The following TTC19 variants were observed in gnomAD, a reference collection of about 807,000 sequenced individuals.
TTC19 encodes the protein tetratricopeptide repeat protein 19, mitochondrial.
TTC19 carries 38 observed loss-of-function variants against 49.5 expected under a neutral mutation model. The observed-to-expected ratio is 0.77, with a 90% CI of 0.59 to 1.01. TTC19 has a LOEUF of 1.01. TTC19 is among the 50% of genes least tolerant of loss of function. TTC19 has a pLI of 0.00. For missense variants in TTC19, 475 were observed against 477.7 expected (o/e 0.99, Z 0.05); for synonymous variants, 204 against 185.2 (o/e 1.10, Z -0.83).
chr17:16,030,399 AC>A (rs1161251952), downstream of TTC19: 1 of 213,840 alleles, frequency 4.7e-6, no homozygotes, highest in East Asian at 6.9e-5. Context: ...ATAGCTTAAG[AC>A]CCTCAGGGTC....
chr17:16,006,104 AAAG>A (rs1970900284), intron 6 of TTC19, among the ~76,000 whole-genome samples: 1 of 152,210 alleles, frequency 6.6e-6, no homozygotes, highest in African/African-American at 2.4e-5. Flanking sequence ...ATGAAGATAA[AAAG>A]AATTTGTGAA....
intron 2 of TTC19, among the ~76,000 whole-genome samples, chr17:16,043,752 T>C (rs1274233955): frequency 2.0e-5 from 3 of 152,224 alleles, no homozygotes; most frequent in Non-Finnish European, 4.4e-5. Flanking sequence ...CTCACACAGA[T>C]TCATCTCTGA....
intron 7 of TTC19, among the ~76,000 whole-genome samples, chr17:16,007,791 T>G (rs4792712): frequency 0.63 from 95,537 of 152,058 alleles, 31,230 homozygotes; most frequent in African/African-American, 0.81. Flanking sequence ...GATTATTTCT[T>G]GAATTTTTCA....
chr17:16,025,045 C>T lies in TTC19; in HGVS notation c.705C>T (p.Leu235=), dbSNP rs773851208. The T allele has an allele frequency of 6.2e-7, 1 of 1,613,966 alleles. No individual in the cohort carries two copies. Among genetic ancestry groups the T allele is most frequent in the Non-Finnish European group, 8.5e-7 (1 of 1,179,848 alleles). The change falls in exon 8 of 10, where the codon CTC becomes CTT. Residue 235 remains leucine (L), a synonymous_variant. Coordinates refer to ENST00000261647, the MANE Select transcript of TTC19 (RefSeq NM_017775.4). The part of the protein sequence containing the change: ...SVEEKANTHL[L]LGMCLDACAR... The stretch of plus-strand genomic sequence containing the variant: ...AAGAGAAAGCCAATACCCACCTCCT[C>T]TTGGGCATGTGCTTAGACGCCTGTG...
rs559220978 is a variant in TTC19 at position 16,019,349 on chromosome 17, A to G, written c.677-5668A>G. Reference sequence around the variant, plus strand: ...ACTCCGTCTCCAAAACAAAAAAACAATATACAATAGGGCTAATATGTTTTT... The same window carrying G: ...ACTCCGTCTCCAAAACAAAAAAACAGTATACAATAGGGCTAATATGTTTTT... On this transcript the variant is annotated intron_variant, in intron 7 of 9. Coordinates refer to ENST00000261647, the MANE Select transcript of TTC19 (RefSeq NM_017775.4). 3.4e-4 allele frequency among the ~76,000 whole-genome samples: 52 copies of G among 152,356 alleles called. 1 individual carries two copies. The highest frequency in any genetic ancestry group is 1.1e-3 in the African/African-American group (45 of 41,590).
At chr17:16,005,158 T>G (rs1970862545) in intron 6 of TTC19, among the ~76,000 whole-genome samples, 1 of 152,216 alleles carries the variant, frequency 6.6e-6, no homozygotes, top group South Asian at 2.1e-4. Context: ...AGCCTCTGAG[T>G]TACATGGTAC....
chr17:16,004,077 G>A, intron 5 of TTC19, 124 bp from the exon 6 acceptor site: 2 of 1,146,548 alleles, frequency 1.7e-6, no homozygotes, highest in South Asian at 2.5e-5. Flanking sequence ...TTCACAGTTG[G>A]CTCATCACTC....
intron 7 of TTC19, among the ~76,000 whole-genome samples, chr17:16,020,333 A>G (rs1448983737): frequency 1.3e-5 from 2 of 151,854 alleles, no homozygotes; most frequent in African/African-American, 2.4e-5. Context: ...TTATTTCTTC[A>G]TATCTTTTGC....
At position 16,035,268 on chromosome 17, in the gene TTC19, G is replaced by A. The variant is rs947462389; in HGVS notation, c.247+8566G>A. Among the ~76,000 whole-genome samples the A allele has an allele frequency of 3.9e-5, 6 of 152,144 alleles. No individual in the cohort carries two copies. In the South Asian group the frequency reaches 1.2e-3, roughly 32 times the overall value. ...GACTTATTTGTAGCATGCAATGATA[G>A]CATTTTAGCCACAGTAGAACTTTCA... On this transcript the variant is annotated intron_variant, in intron 2 of 2. Coordinates refer to the TTC19 transcript ENST00000470649.
At chr17:16,040,406 T>C (rs1423034560) in intron 2 of TTC19, 2 of 1,601,300 alleles carry the variant, frequency 1.2e-6, no homozygotes, top group Admixed American at 3.3e-5. Context: ...GCTGTGCCAA[T>C]TTTGTATTGG....
At chr17:16,003,959 T>C in intron 5 of TTC19, 72 bp downstream of exon 5, 1 of 1,499,718 alleles carries the variant, frequency 6.7e-7, no homozygotes, top group South Asian at 1.2e-5. Flanking sequence ...TGAAAACTCC[T>C]CCTAGCCCCA....
intron 2 of TTC19, chr17:16,039,074 A>T (rs1053558924): frequency 5.0e-6 from 1 of 199,910 alleles, no homozygotes; most frequent in African/African-American, 2.4e-5. Flanking sequence ...CGGCTGGCTT[A>T]TGTTTCTTTT....
At chr17:16,013,994 T>G (rs1971146357) in intron 7 of TTC19, among the ~76,000 whole-genome samples, 1 of 152,190 alleles carries the variant, frequency 6.6e-6, no homozygotes, top group Non-Finnish European at 1.5e-5. Flanking sequence ...TAGTTGACAG[T>G]GTGATTCACT....
At chr17:16,032,392 G>C, downstream of TTC19, 2 of 1,614,126 alleles carry the variant, frequency 1.2e-6, no homozygotes, top group Non-Finnish European at 1.7e-6. Context: ...GAGCTGCTTG[G>C]TTCACCGCAG....
chr17:16,005,191 A>G, intron 6 of TTC19, among the ~76,000 whole-genome samples: 1 of 152,330 alleles, frequency 6.6e-6, no homozygotes, highest in Non-Finnish European at 1.5e-5. Flanking sequence ...ATTTTGTTTT[A>G]TTAAGAGAAG....
intron 7 of TTC19, among the ~76,000 whole-genome samples, chr17:16,020,469 T>C (rs1314931298): frequency 2.6e-5 from 4 of 152,218 alleles, no homozygotes; most frequent in African/African-American, 9.6e-5. Context: ...GGGCATTTGA[T>C]GTAGATTAAA....
intron 7 of TTC19, among the ~76,000 whole-genome samples, chr17:16,010,280 TCTC>T (rs1971030072): frequency 6.6e-6 from 1 of 150,610 alleles, no homozygotes; most frequent in Non-Finnish European, 1.5e-5. Flanking sequence ...TTTAAGCGGT[TCTC>T]CTGCCTCAGC....
intron 6 of TTC19, 43 bp from the exon 7 acceptor site, chr17:16,006,431 A>AT (rs1197971122): frequency 1.4e-6 from 2 of 1,413,708 alleles, no homozygotes; most frequent in African/African-American, 2.8e-5. Flanking sequence ...AGAAAAAAAA[A>AT]AGAAGAAAAG....
At chr17:16,016,304 T>C (rs1301633762) in intron 7 of TTC19, among the ~76,000 whole-genome samples, 1 of 152,206 alleles carries the variant, frequency 6.6e-6, no homozygotes, top group Non-Finnish European at 1.5e-5. Context: ...ACAGTGAATT[T>C]CTCAAATTTT....
Sources: allele counts gnomAD v4.1 joint callset (sites outside exome capture counted in the v4.1 genomes callset), GRCh38; gene constraint gnomAD v4.1.1; transcripts MANE v1.5; gene names NCBI Gene and HGNC (gene_info 2026-07-23, HGNC 2026-07-21).